SMARCA5: variants seen among roughly 807,000 people sequenced by gnomAD.
SMARCA5 encodes SWI/SNF-related matrix-associated actin-dependent regulator of chromatin subfamily A member 5.
In SMARCA5, 18 loss-of-function variants were observed where a neutral mutation model predicts 140.4. That is an observed-to-expected ratio of 0.13 (90% CI 0.09 to 0.19). The LOEUF (loss-of-function observed/expected upper bound fraction) is 0.19. Ranked by LOEUF, SMARCA5 falls within the 10% of genes least tolerant of loss-of-function variation. The pLI, the probability that SMARCA5 is intolerant of heterozygous loss-of-function variation, is 1.00. For synonymous variants in SMARCA5, 449 were observed against 419.6 expected, an observed-to-expected ratio of 1.07 and a Z score of -0.86; for missense variants, 606 against 1,276.8, an observed-to-expected ratio of 0.47 and a Z score of 8.01.
In SMARCA5 at chr4:143,543,489, A is replaced by G; in HGVS notation, c.1904-20A>G. ...ATAAAGTCTGTTCAGTTAACATTAT[A>G]CAACACAATCTTTTTTCAGGGAGGC... On this transcript the variant is annotated intron_variant, in intron 14 of 23. Coordinates refer to ENST00000283131, the MANE Select transcript of SMARCA5 (RefSeq NM_003601.4). 1 of 1,609,164 alleles carries G rather than the reference A, an allele frequency of 6.2e-7. No individual in the cohort carries two copies. Among genetic ancestry groups the G allele is most frequent in the Non-Finnish European group, 8.5e-7 (1 of 1,177,058 alleles).
chr4:143,549,907 A>G (rs1402500019), intron 22 of SMARCA5, 90 bp from the exon 23 acceptor site: 2 of 662,204 alleles, frequency 3.0e-6, no homozygotes, highest in Non-Finnish European at 5.3e-6. Context: ...GGTTTTATAT[A>G]TTATCCTATT....
intron 1 of SMARCA5, among the ~76,000 whole-genome samples, chr4:143,516,031 T>C (rs1736823284): frequency 6.6e-6 from 1 of 152,032 alleles, no homozygotes; most frequent in East Asian, 1.9e-4. Context: ...TTAACAAAAT[T>C]CAGAATTACT....
intron 9 of SMARCA5, among the ~76,000 whole-genome samples, chr4:143,532,004 C>T (rs1737196868): frequency 6.6e-6 from 1 of 152,150 alleles, no homozygotes; most frequent in South Asian, 2.1e-4. Context: ...AAGTGTTTTC[C>T]ATACTGGATT....
chr4:143,539,012 T>C, intron 13 of SMARCA5, 74 bp downstream of exon 13: 1 of 1,291,334 alleles, frequency 7.7e-7, no homozygotes. Context: ...TCTACAAATA[T>C]CAGTGACTTA....
intron 14 of SMARCA5, among the ~76,000 whole-genome samples, chr4:143,542,955 G>A (rs1737460632): frequency 6.6e-6 from 1 of 152,106 alleles, no homozygotes; most frequent in Non-Finnish European, 1.5e-5. Context: ...TCCAGCCTAA[G>A]CAACAGAGCA....
chr4:143,517,491 A>C (rs1277478821), intron 2 of SMARCA5, 62 bp downstream of exon 2: 1 of 960,812 alleles, frequency 1.0e-6, no homozygotes, highest in Non-Finnish European at 1.6e-6. Flanking sequence ...GATTAAATGT[A>C]CTAAACATCT....
At chr4:143,550,155 C>T (rs903819653) in intron 23 of SMARCA5, 51 bp downstream of exon 23, 1 of 1,060,410 alleles carries the variant, frequency 9.4e-7, no homozygotes, top group Non-Finnish European at 1.4e-6. Context: ...TTTCCCCTTT[C>T]TAAGTATTTA....
At chr4:143,526,224 A>T (rs1251910327) in intron 5 of SMARCA5, 57 bp from the exon 6 acceptor site, 1 of 1,356,176 alleles carries the variant, frequency 7.4e-7, no homozygotes, top group Non-Finnish European at 1.0e-6. Context: ...GGGAGGTATA[A>T]TTGTGAAATA....
At chr4:143,536,785 C>T (rs571542714) in intron 11 of SMARCA5, 107 bp downstream of exon 11, 16 of 749,862 alleles carry the variant, frequency 2.1e-5, no homozygotes, top group Admixed American at 1.0e-4. Flanking sequence ...CCAAGGTTGA[C>T]GTGTAGAACA....
At chr4:143,517,780 A>G (rs1736871060) in intron 2 of SMARCA5, among the ~76,000 whole-genome samples, 1 of 152,114 alleles carries the variant, frequency 6.6e-6, no homozygotes, top group African/African-American at 2.4e-5. Context: ...ACCTCCCAAC[A>G]CTGTTGCGTT....
intron 14 of SMARCA5, among the ~76,000 whole-genome samples, chr4:143,541,397 A>G (rs1460125686): frequency 6.6e-6 from 1 of 152,178 alleles, no homozygotes; most frequent in African/African-American, 2.4e-5. Context: ...TCCATGTAAG[A>G]GAGTATTGTA....
intron 14 of SMARCA5, among the ~76,000 whole-genome samples, chr4:143,541,277 T>C (rs1737421026): frequency 6.6e-6 from 1 of 152,214 alleles, no homozygotes; most frequent in Admixed American, 6.5e-5. Context: ...TGGTTTCCTT[T>C]GTAACTGCAT....
intron 9 of SMARCA5, among the ~76,000 whole-genome samples, chr4:143,531,697 T>G (rs919950104): frequency 1.3e-5 from 2 of 152,370 alleles, no homozygotes; most frequent in Non-Finnish European, 2.9e-5. Context: ...TAACATTCTT[T>G]GGCATCTGTT....
chr4:143,526,498 A>T (rs771504473), intron 6 of SMARCA5, 38 bp downstream of exon 6: 4 of 1,419,246 alleles, frequency 2.8e-6, no homozygotes, highest in Non-Finnish European at 3.9e-6. Flanking sequence ...TTGAGGCTAA[A>T]ATAATTTGAA....
At chr4:143,518,979 A>G (rs73850433) in intron 2 of SMARCA5, among the ~76,000 whole-genome samples, 299 of 152,228 alleles carry the variant, frequency 2.0e-3, no homozygotes, top group African/African-American at 6.7e-3. Flanking sequence ...CTTGCCTTGA[A>G]AGACATTTTT....
chr4:143,549,977 C>CTA lies in SMARCA5; in HGVS notation c.2986-20_2986-19insTA, dbSNP rs758620577. On this transcript the variant is annotated intron_variant, in intron 22 of 23. Transcript: ENST00000283131. ...ACTTGTGGATGGAAAGTGCGTGTAC[C>CTA]ATGTTTGTTTATAATTTAGGAGCTC... 2.2e-6 allele frequency: 3 copies of CTA among 1,355,404 alleles called. No individual in the cohort carries two copies. In the Admixed American group the frequency reaches 5.2e-5, roughly 24 times the overall value. The allele number at this position is 1,355,404 out of a possible 1,614,324, so 84.0% of individuals were successfully genotyped here.
In SMARCA5 at chr4:143,553,898, T is replaced by A. The variant is rs1737695794; in HGVS notation, c.*714T>A. ...TAAAAGGAATATTATTATTATTATTTTTAATTATTTGGTAAATATTTTGTC... is the reference window on the plus strand; with the variant it reads ...TAAAAGGAATATTATTATTATTATTATTAATTATTTGGTAAATATTTTGTC... On this transcript the variant is annotated 3_prime_UTR_variant, in exon 24 of 24. Coordinates refer to ENST00000283131, the MANE Select transcript of SMARCA5 (RefSeq NM_003601.4). 6.6e-6 allele frequency: 1 copy of A among 151,842 alleles called. No individual in the cohort carries two copies. Among genetic ancestry groups the A allele is most frequent in the African/African-American group, 2.4e-5 (1 of 41,408 alleles). 9.4% of individuals were successfully genotyped at this position (151,842 alleles called of 1,614,324 possible). A position where few individuals can be genotyped will look rare whatever the true frequency, so the allele number is the denominator to read the frequency against.
intron 2 of SMARCA5, among the ~76,000 whole-genome samples, chr4:143,520,266 G>T (rs966797446): frequency 6.6e-6 from 1 of 152,146 alleles, no homozygotes; most frequent in African/African-American, 2.4e-5. Flanking sequence ...ATGTAATTAT[G>T]TAAAATATGC....
intron 23 of SMARCA5, among the ~76,000 whole-genome samples, chr4:143,552,247 C>T (rs556864969): frequency 6.6e-6 from 1 of 152,096 alleles, no homozygotes; most frequent in East Asian, 1.9e-4. Context: ...ATTTTGTATC[C>T]TGCAGTGTCA....
Sources: gnomAD v4.1 joint callset for allele counts (sites outside exome capture counted in the v4.1 genomes callset) on GRCh38, gnomAD v4.1.1 for gene constraint, MANE v1.5 for transcripts, NCBI Gene and HGNC (gene_info 2026-07-23, HGNC 2026-07-21) for gene names.